The following CDH15 variants were observed in gnomAD, a reference collection of about 807,000 sequenced individuals.
CDH15 encodes cadherin-15.
Under a neutral mutation model 69.4 loss-of-function variants are expected in CDH15, and 73 were observed. That is an observed-to-expected ratio of 1.05 (90% CI 0.87 to 1.28). The LOEUF (loss-of-function observed/expected upper bound fraction) is 1.28. Ranked by LOEUF, CDH15 falls within the 50% of genes most tolerant of loss-of-function variation. The pLI, the probability that CDH15 is intolerant of heterozygous loss-of-function variation, is 0.00. For missense variants in CDH15, 1,343 were observed against 1,133.6 expected (o/e 1.18, Z -2.65); for synonymous variants, 624 against 507.7 (o/e 1.23, Z -3.08).
At chr16:89,174,907 A>C (rs1322907888) in intron 1 of CDH15, among the ~76,000 whole-genome samples, 2 of 151,982 alleles carry the variant, frequency 1.3e-5, no homozygotes, top group Non-Finnish European at 2.9e-5. Flanking sequence ...TGGGCACCGG[A>C]TGTCCCGATC....
chr16:89,195,215 A>G lies in CDH15; in HGVS notation c.*60A>G, dbSNP rs1915777194. On this transcript the variant is annotated 3_prime_UTR_variant, in exon 14 of 14. Transcript: ENST00000289746. ...CTCGTGGCAGTGATGGCCCCTGCAG[A>G]GGCAGCCTGAGGTCACCGGGCCCGA... 6.8e-7 allele frequency: 1 copy of G among 1,467,482 alleles called. No homozygotes were observed. The highest frequency in any genetic ancestry group is 1.4e-5 in the South Asian group (1 of 73,106). 90.9% of individuals were successfully genotyped at this position (1,467,482 alleles called of 1,614,324 possible).
intron 11 of CDH15, 44 bp downstream of exon 11, chr16:89,192,488 A>C (rs1597312814): frequency 3.2e-6 from 5 of 1,549,912 alleles, no homozygotes; most frequent in Non-Finnish European, 4.3e-6. Flanking sequence ...GGACCCTCGG[A>C]CCCTCCTCCC....
chr16:89,192,187 C>T lies in CDH15; in HGVS notation c.1616-18C>T. The T allele has an allele frequency of 2.0e-6, 3 of 1,527,486 alleles. No homozygotes were observed. Among genetic ancestry groups the T allele is most frequent in the Non-Finnish European group, 2.6e-6 (3 of 1,143,528 alleles). 94.6% of individuals were successfully genotyped at this position (1,527,486 alleles called of 1,614,324 possible). ...GCGGCCTCGGGAGGCCCTCGCTCAC[C>T]ACAGGCGCCCTCCGCAGTGAGCCAC... On this transcript the variant is annotated intron_variant, in intron 10 of 13. Transcript: ENST00000289746.
chr16:89,180,241 C>A lies in CDH15; in HGVS notation c.243C>A (p.Ser81Arg), dbSNP rs766173241. The change falls in exon 3 of 14, where the codon AGC becomes AGA. Residue 81 changes from serine (S) to arginine (R), a missense_variant. Physicochemically the swap from Ser to Arg is moderately radical, Grantham distance 110. Coordinates refer to ENST00000289746, the MANE Select transcript of CDH15 (RefSeq NM_004933.3). ...AGCAGCTGGGCAGCGTCATCTACAG[C>A]ATCCAGGGACCCGGCGTGGATGAGG... ...DKQQLGSVIY[S>R]IQGPGVDEEP... The A allele has an allele frequency of 6.2e-7, 1 of 1,610,374 alleles. No individual in the cohort carries two copies. Among genetic ancestry groups the A allele is most frequent in the Non-Finnish European group, 8.5e-7 (1 of 1,178,644 alleles).
intron 13 of CDH15, among the ~76,000 whole-genome samples, chr16:89,194,293 C>T (rs1372937538): frequency 1.3e-5 from 2 of 152,152 alleles, no homozygotes; most frequent in Admixed American, 6.5e-5. Flanking sequence ...TAATGATTCC[C>T]TGCCATCCAC....
chr16:89,171,807 C>A lies in CDH15; in HGVS notation c.-25C>A, dbSNP rs139759411. ...GCTTCTTCGGGTCGCGGGTGCACTC[C>A]GGCCCGGCTCCCGCCTCGGCCCCGA... On this transcript the variant is annotated 5_prime_UTR_variant, in exon 1 of 14. Coordinates refer to ENST00000289746, the MANE Select transcript of CDH15 (RefSeq NM_004933.3). The A allele has an allele frequency of 3.0e-5, 46 of 1,547,730 alleles. No individual in the cohort carries two copies. The highest frequency in any genetic ancestry group is 1.7e-4 in the Middle Eastern group (1 of 5,996).
intron 12 of CDH15, 44 bp from the exon 13 acceptor site, chr16:89,193,711 C>A (rs1298676578): frequency 8.8e-6 from 14 of 1,587,920 alleles, no homozygotes; most frequent in African/African-American, 1.3e-5. Flanking sequence ...TCCACCAGGG[C>A]CACCCGAGGG....
At position 89,183,610 on chromosome 16, in the gene CDH15, T is replaced by C; in HGVS notation, c.420T>C (p.Ile140=). 1 of 1,614,102 alleles carries C rather than the reference T, an allele frequency of 6.2e-7. No individual in the cohort carries two copies. Among genetic ancestry groups the C allele is most frequent in the Non-Finnish European group, 8.5e-7 (1 of 1,180,018 alleles). The part of the protein sequence containing the change: ...STLEDPTDLE[I]VVVDQNDNRP... ...TGGAGGACCCCACGGACCTGGAGAT[T>C]GTAGTTGTGGATCAGAATGACAACC... Residue 140 remains isoleucine (I), a synonymous_variant, in exon 4 of 14, where the codon ATT becomes ATC. Coordinates refer to ENST00000289746, the MANE Select transcript of CDH15 (RefSeq NM_004933.3).
chr16:89,191,564 C>T (rs554293339), intron 9 of CDH15, 91 bp from the exon 10 acceptor site: 162 of 1,583,630 alleles, frequency 1.0e-4, no homozygotes, highest in Admixed American at 9.3e-4. Context: ...CCATGTCGCC[C>T]GGGGGCTCAG....
rs746751282 is a variant in CDH15 at position 89,180,395 on chromosome 16, G to T, written c.357+40G>T. 9 of 1,598,514 alleles carry T rather than the reference G, an allele frequency of 5.6e-6. No homozygotes were observed. The South Asian group carries it at 6.8e-5, about 12-fold the overall frequency. On this transcript the variant is annotated intron_variant, in intron 3 of 13. Transcript: ENST00000289746. ...GGTCGGACCTGTGCCCCTCAAGCAGGCCTGGTGGAAAGCCAGTGCCCCTCC... is the reference window on the plus strand; with the variant it reads ...GGTCGGACCTGTGCCCCTCAAGCAGTCCTGGTGGAAAGCCAGTGCCCCTCC...
intron 1 of CDH15, among the ~76,000 whole-genome samples, chr16:89,175,031 C>T (rs1472078397): frequency 6.6e-6 from 1 of 152,140 alleles, no homozygotes; most frequent in East Asian, 1.9e-4. Flanking sequence ...GGAAGTGGGC[C>T]GTGGCCAGCC....
chr16:89,189,326 C>A (rs908316739), intron 7 of CDH15, among the ~76,000 whole-genome samples: 12 of 136,742 alleles, frequency 8.8e-5, no homozygotes, highest in African/African-American at 3.3e-4. Flanking sequence ...CACACACATG[C>A]CGGCACACAC....
At chr16:89,190,117 T>TA in intron 7 of CDH15, 126 bp from the exon 8 acceptor site, 1 of 1,160,440 alleles carries the variant, frequency 8.6e-7, no homozygotes, top group South Asian at 1.4e-5. Flanking sequence ...TTTTCAAGGT[T>TA]AAAAAGGGGC....
intron 7 of CDH15, among the ~76,000 whole-genome samples, 185 bp downstream of exon 7, chr16:89,188,470 C>CGG (rs758637672): frequency 4.5e-4 from 60 of 132,844 alleles, no homozygotes; most frequent in Non-Finnish European, 7.1e-4. Flanking sequence ...ACACAGATGC[C>CGG]CACACACAGA....
At chr16:89,190,126 G>T in intron 7 of CDH15, 117 bp from the exon 8 acceptor site, 1 of 1,220,694 alleles carries the variant, frequency 8.2e-7, no homozygotes, top group East Asian at 2.5e-5. Flanking sequence ...TTAAAAAGGG[G>T]CAGAAGGAAA....
chr16:89,185,577 C>T, intron 5 of CDH15: 1 of 574,452 alleles, frequency 1.7e-6, no homozygotes, highest in Non-Finnish European at 3.1e-6. Context: ...CGGCACAGGG[C>T]AGGGCTCCCC....
chr16:89,185,048 C>A, intron 4 of CDH15, 125 bp from the exon 5 acceptor site: 1 of 883,118 alleles, frequency 1.1e-6, no homozygotes, highest in South Asian at 1.5e-5. Flanking sequence ...CTGACTGCCC[C>A]ATCTGGGGTC....
chr16:89,187,687 G>A lies in CDH15; in HGVS notation c.792+130G>A, dbSNP rs1041453308. 10 of 1,340,478 alleles carry A rather than the reference G, an allele frequency of 7.5e-6. No individual in the cohort carries two copies. The African/African-American group carries it at 8.7e-5, about 12-fold the overall frequency. The allele number at this position is 1,340,478 out of a possible 1,614,324, so 83.0% of individuals were successfully genotyped here. A position where few individuals can be genotyped will look rare whatever the true frequency, so the allele number is the denominator to read the frequency against. ...GTGTGCTTTGGAGAAGGAACTCCGC[G>A]TGGGCGGGTGGAAGCCCAAGCTGGA... On this transcript the variant is annotated intron_variant, in intron 6 of 13. Coordinates refer to ENST00000289746, the MANE Select transcript of CDH15 (RefSeq NM_004933.3).
chr16:89,173,091 C>T (rs951344820), intron 1 of CDH15, among the ~76,000 whole-genome samples: 4 of 152,154 alleles, frequency 2.6e-5, no homozygotes, highest in Admixed American at 1.3e-4. Flanking sequence ...GAGGGCACCA[C>T]GGCTCCTGCC....
Sources: gnomAD v4.1 joint callset for allele counts (sites outside exome capture counted in the v4.1 genomes callset) on GRCh38, gnomAD v4.1.1 for gene constraint, MANE v1.5 for transcripts, NCBI Gene and HGNC (gene_info 2026-07-23, HGNC 2026-07-21) for gene names.